MCTP2: variants seen among roughly 807,000 people sequenced by gnomAD.
MCTP2 encodes multiple C2 and transmembrane domain-containing protein 2.
MCTP2 carries 132 observed loss-of-function variants against 111.6 expected under a neutral mutation model. The ratio of observed to expected loss-of-function variants is 1.18; its 90% CI spans 1.03 to 1.37. The LOEUF is 1.37. MCTP2 is among the 40% of genes most tolerant of loss of function. The pLI, the probability that MCTP2 is intolerant of heterozygous loss-of-function variation, is 0.00. For missense variants in MCTP2, 1,183 were observed against 1,067.9 expected, an observed-to-expected ratio of 1.11 and a Z score of -1.50; for synonymous variants, 395 against 387.7, an observed-to-expected ratio of 1.02 and a Z score of -0.22.
At chr15:94,374,977 A>G (rs1011408796) in intron 12 of MCTP2, among the ~76,000 whole-genome samples, 1 of 152,190 alleles carries the variant, frequency 6.6e-6, no homozygotes, top group African/African-American at 2.4e-5. Context: ...CCGTTTTCAC[A>G]TTGCCATAAA....
intron 17 of MCTP2, among the ~76,000 whole-genome samples, chr15:94,418,049 C>A (rs947928129): frequency 1.3e-5 from 2 of 152,026 alleles, no homozygotes; most frequent in African/African-American, 4.8e-5. Flanking sequence ...GCTTTATTAC[C>A]CAGAGCATTT....
intron 19 of MCTP2, among the ~76,000 whole-genome samples, chr15:94,455,291 G>T (rs1244290594): frequency 2.0e-5 from 3 of 152,222 alleles, no homozygotes; most frequent in Non-Finnish European, 4.4e-5. Context: ...TCCTGTGAAT[G>T]AATATAAAAA....
intron 1 of MCTP2, among the ~76,000 whole-genome samples, chr15:94,250,433 T>C (rs1468183509): frequency 6.6e-6 from 1 of 152,218 alleles, no homozygotes; most frequent in African/African-American, 2.4e-5. Context: ...TATTGAGGAT[T>C]ACTATAGAAG....
At chr15:94,286,570 T>G (rs973033615) in intron 1 of MCTP2, among the ~76,000 whole-genome samples, 3 of 152,232 alleles carry the variant, frequency 2.0e-5, no homozygotes, top group Non-Finnish European at 4.4e-5. Flanking sequence ...TCCGAGTCAG[T>G]GTTACTGAAT....
chr15:94,294,941 C>CTTT (rs71133001), intron 1 of MCTP2, among the ~76,000 whole-genome samples: 2 of 73,990 alleles, frequency 2.7e-5, no homozygotes, highest in Non-Finnish European at 4.8e-5. Context: ...TTTTCTTTTC[C>CTTT]TTTTTTTTTT....
At chr15:94,437,104 A>G (rs2083516634) in intron 17 of MCTP2, among the ~76,000 whole-genome samples, 2 of 134,178 alleles carry the variant, frequency 1.5e-5, no homozygotes, top group South Asian at 5.0e-4. Context: ...GTGTGGTTTG[A>G]TTTTTTTCAT....
chr15:94,402,774 C>T (rs1379135672), intron 17 of MCTP2: 1 of 1,419,022 alleles, frequency 7.0e-7, no homozygotes, highest in African/African-American at 1.4e-5. Context: ...GACTGCAAAT[C>T]TTTGTATATT....
intron 1 of MCTP2, among the ~76,000 whole-genome samples, chr15:94,264,867 A>G (rs2073422538): frequency 6.6e-6 from 1 of 152,206 alleles, no homozygotes; most frequent in African/African-American, 2.4e-5. Context: ...AGAACAAACT[A>G]GGAGGTTTGG....
At chr15:94,255,534 G>A (rs1398748150) in intron 1 of MCTP2, among the ~76,000 whole-genome samples, 1 of 152,136 alleles carries the variant, frequency 6.6e-6, no homozygotes, top group African/African-American at 2.4e-5. Flanking sequence ...TGCCTTTCTT[G>A]AGTAGTGATA....
chr15:94,244,246 A>G (rs553214818), intron 1 of MCTP2, among the ~76,000 whole-genome samples: 5 of 117,238 alleles, frequency 4.3e-5, no homozygotes, highest in African/African-American at 1.7e-4. Flanking sequence ...ACACGTGTAT[A>G]CACATATGTG....
intron 19 of MCTP2, among the ~76,000 whole-genome samples, chr15:94,454,966 A>C (rs549918652): frequency 3.0e-4 from 46 of 152,232 alleles, no homozygotes; most frequent in African/African-American, 1.0e-3. Flanking sequence ...GATTACAGGC[A>C]TGTGCCACCA....
chr15:94,419,156 T>A (rs2082508577), intron 17 of MCTP2, among the ~76,000 whole-genome samples: 1 of 152,042 alleles, frequency 6.6e-6, no homozygotes, highest in African/African-American at 2.4e-5. Flanking sequence ...TGGGAATAAA[T>A]GGCCAGATGG....
intron 1 of MCTP2, among the ~76,000 whole-genome samples, chr15:94,285,048 C>T (rs2074685851): frequency 6.6e-6 from 1 of 152,102 alleles, no homozygotes; most frequent in African/African-American, 2.4e-5. Flanking sequence ...AACCTTTCCT[C>T]CTACAGCTAT....
chr15:94,279,532 C>T (rs1451995392), intron 1 of MCTP2, among the ~76,000 whole-genome samples: 1 of 151,988 alleles, frequency 6.6e-6, no homozygotes, highest in African/African-American at 2.4e-5. Flanking sequence ...ATGGGGTTTT[C>T]TAGGTAAAGA....
intron 19 of MCTP2, among the ~76,000 whole-genome samples, chr15:94,457,886 GT>G (rs1229334599): frequency 6.6e-6 from 1 of 152,138 alleles, no homozygotes; most frequent in Non-Finnish European, 1.5e-5. Flanking sequence ...GCTTGGTTCT[GT>G]GGGCTTCCCT....
chr15:94,374,728 C>G (rs1451104057), intron 12 of MCTP2, among the ~76,000 whole-genome samples: 1 of 152,084 alleles, frequency 6.6e-6, no homozygotes, highest in Admixed American at 6.6e-5. Context: ...CACTCATGGC[C>G]CTTACCCTGT....
At chr15:94,460,396 C>T (rs78364299) in intron 20 of MCTP2, among the ~76,000 whole-genome samples, 3,315 of 152,096 alleles carry the variant, frequency 0.022, 118 homozygotes, top group African/African-American at 0.076. Context: ...TTAGTGTGTC[C>T]GTGCCATGGA....
intron 1 of MCTP2, among the ~76,000 whole-genome samples, chr15:94,256,949 A>G (rs935597706): frequency 1.3e-5 from 2 of 152,076 alleles, no homozygotes; most frequent in African/African-American, 4.8e-5. Flanking sequence ...AAATCAATCA[A>G]TCCTCTGACC....
chr15:94,472,731 T>A (rs1009352851), intron 21 of MCTP2, among the ~76,000 whole-genome samples: 2 of 152,236 alleles, frequency 1.3e-5, no homozygotes, highest in African/African-American at 4.8e-5. Flanking sequence ...GTTACAAGCC[T>A]TGACAATCAC....
Sources: allele counts gnomAD v4.1 joint callset (sites outside exome capture counted in the v4.1 genomes callset), GRCh38; gene constraint gnomAD v4.1.1; transcripts MANE v1.5; gene names NCBI Gene and HGNC (gene_info 2026-07-23, HGNC 2026-07-21).